SARM1: variants seen among roughly 807,000 people sequenced by gnomAD.
SARM1 encodes sterile alpha and TIR motif containing 1.
In SARM1, 60 loss-of-function variants were observed where a neutral mutation model predicts 65.1. The ratio of observed to expected loss-of-function variants is 0.92; its 90% CI spans 0.75 to 1.14. SARM1 has a LOEUF of 1.14. SARM1 is among the 50% of genes most tolerant of loss of function. The pLI, the probability that SARM1 is intolerant of heterozygous loss-of-function variation, is 0.00. For missense variants in SARM1, 913 were observed against 1,015.7 expected, an observed-to-expected ratio of 0.90 and a Z score of 1.37; for synonymous variants, 417 against 465.4, an observed-to-expected ratio of 0.90 and a Z score of 1.34.
At chr17:28,388,097 T>TATCATC in intron 5 of SARM1, 77 bp from the exon 6 acceptor site, 1 of 1,160,482 alleles carries the variant, frequency 8.6e-7, no homozygotes, top group Non-Finnish European at 1.3e-6. Context: ...GGGGACTAAG[T>TATCATC]CCACAAGGGA....
Position 28,399,021 on chromosome 17 carries a change from C to A in SARM1, c.*2735C>A, listed in dbSNP as rs1227061341. On this transcript the variant is annotated 3_prime_UTR_variant, in exon 9 of 9. Transcript: ENST00000585482. Reference sequence around the variant, plus strand: ...ACAGAGGGCCCCAAAGCCCAAGGCACCAGAAGGTTTGTTTCAGTTTGCTGA... The same window carrying A: ...ACAGAGGGCCCCAAAGCCCAAGGCAACAGAAGGTTTGTTTCAGTTTGCTGA... 1.3e-5 allele frequency: 2 copies of A among 152,470 alleles called. No homozygotes were observed. The highest frequency in any genetic ancestry group is 2.9e-5 in the Non-Finnish European group (2 of 68,248). The allele number at this position is 152,470 out of a possible 1,614,324, so 9.4% of individuals were successfully genotyped here.
Position 28,374,818 on chromosome 17 carries a change from A to C in SARM1, c.470+2316A>C, listed in dbSNP as rs142856009. On this transcript the variant is annotated intron_variant, in intron 1 of 8. Coordinates refer to ENST00000585482, the MANE Select transcript of SARM1 (RefSeq NM_015077.4). ...ATGGCAAAAACCCATCTCTACAAAA[A>C]ATATACAGATTAGCCGGGCGTGATG... Among the ~76,000 whole-genome samples, 32 of 151,664 alleles carry C rather than the reference A, an allele frequency of 2.1e-4. No homozygotes were observed. The East Asian group carries it at 6.3e-3, about 30-fold the overall frequency.
Position 28,384,303 on chromosome 17 carries a change from G to T in SARM1, c.1090-54G>T. 7.0e-7 allele frequency: 1 copy of T among 1,428,786 alleles called. No homozygotes were observed. The highest frequency in any genetic ancestry group is 9.5e-7 in the Non-Finnish European group (1 of 1,053,080). The allele number at this position is 1,428,786 out of a possible 1,614,324, so 88.5% of individuals were successfully genotyped here. A position where few individuals can be genotyped will look rare whatever the true frequency, so the allele number is the denominator to read the frequency against. On this transcript the variant is annotated intron_variant, in intron 2 of 8. Coordinates refer to ENST00000585482, the MANE Select transcript of SARM1 (RefSeq NM_015077.4). This position sits in a 1 kb window ranked among gnomAD's most constrained non-coding sequence, Gnocchi z 4.4. The stretch of plus-strand genomic sequence containing the variant: ...CAAGGAGAGGGACTGGGCACGTGTG[G>T]GAGCACCTGGAGAGCTGGTGGGACC...
Position 28,402,455 on chromosome 17 carries a change from GGTGGGAAGACAGTA to G in SARM1, c.*6172_*6185del. On this transcript the variant is annotated 3_prime_UTR_variant, in exon 9 of 9. Transcript: ENST00000585482. ...CAGGAAGAACTTCCTTGATGGTGAG[GGTGGGAAGACAGTA>G]GTCAAGGAGGAATGGAGACTGCCCT... The G allele has an allele frequency of 1.4e-6, 1 of 704,154 alleles. No individual in the cohort carries two copies. The highest frequency in any genetic ancestry group is 2.4e-6 in the Non-Finnish European group (1 of 413,398). The allele number at this position is 704,154 out of a possible 1,614,324, so 43.6% of individuals were successfully genotyped here.
In SARM1 at chr17:28,384,277, A is replaced by T; in HGVS notation, c.1090-80A>T. The T allele has an allele frequency of 8.3e-7, 1 of 1,204,414 alleles. No homozygotes were observed. The highest frequency in any genetic ancestry group is 1.2e-6 in the Non-Finnish European group (1 of 860,400). The allele number at this position is 1,204,414 out of a possible 1,614,324, so 74.6% of individuals were successfully genotyped here. On this transcript the variant is annotated intron_variant, in intron 2 of 8. Coordinates refer to ENST00000585482, the MANE Select transcript of SARM1 (RefSeq NM_015077.4). This position sits in a 1 kb window ranked among gnomAD's most constrained non-coding sequence, Gnocchi z 4.4. ...GAGAGACTTTGGGTTGTGAGAAGAG[A>T]CAAGGAGAGGGACTGGGCACGTGTG...
rs193005615 is a variant in SARM1, at chr17:28,375,834, T to A, written c.470+3332T>A. Reference sequence around the variant, plus strand: ...CAATTTTTTAAAATTAAATTAAAAATTTTTTAAAAGTTCTTCTCAACCAGA... The same window carrying A: ...CAATTTTTTAAAATTAAATTAAAAAATTTTTAAAAGTTCTTCTCAACCAGA... On this transcript the variant is annotated intron_variant, in intron 1 of 8. Coordinates refer to ENST00000585482, the MANE Select transcript of SARM1 (RefSeq NM_015077.4). 2.6e-3 allele frequency among the ~76,000 whole-genome samples: 395 copies of A among 152,210 alleles called. 1 individual carries two copies. The highest frequency in any genetic ancestry group is 8.8e-3 in the African/African-American group (364 of 41,532).
Position 28,396,387 on chromosome 17 carries a change from GCT to G in SARM1, c.*104_*105del, listed in dbSNP as rs2068124118. ...GTCTCCCTGGGCTGAGACAACCTGG[GCT>G]CTTCTTAGGAAATGGCTCTCCCTCC... On this transcript the variant is annotated 3_prime_UTR_variant, in exon 9 of 9. Transcript: ENST00000585482. 2.8e-6 allele frequency: 4 copies of G among 1,441,922 alleles called. No individual in the cohort carries two copies. Among genetic ancestry groups the G allele is most frequent in the South Asian group, 1.2e-5 (1 of 80,262 alleles). The allele number at this position is 1,441,922 out of a possible 1,614,324, so 89.3% of individuals were successfully genotyped here.
chr17:28,400,250 G>A lies in SARM1; in HGVS notation c.*3964G>A, dbSNP rs2068179562. On this transcript the variant is annotated 3_prime_UTR_variant, in exon 9 of 9. Coordinates refer to ENST00000585482, the MANE Select transcript of SARM1 (RefSeq NM_015077.4). Reference sequence around the variant, plus strand: ...AAAAGTCAGCGGGTCAAGCTAGCCTGTGGCCCAGCCACAACTAGCTGACAA... The same window carrying A: ...AAAAGTCAGCGGGTCAAGCTAGCCTATGGCCCAGCCACAACTAGCTGACAA... 1 of 286,854 alleles carries A rather than the reference G, an allele frequency of 3.5e-6. No individual in the cohort carries two copies. The highest frequency in any genetic ancestry group is 4.5e-5 in the South Asian group (1 of 22,316). The allele number at this position is 286,854 out of a possible 1,614,324, so 17.8% of individuals were successfully genotyped here. A position where few individuals can be genotyped will look rare whatever the true frequency, so the allele number is the denominator to read the frequency against.
In SARM1 at chr17:28,381,453, G is replaced by C; in HGVS notation, c.721G>C (p.Val241Leu). The change falls in exon 2 of 9, where the codon GTG becomes CTG. Residue 241 changes from valine to leucine, a missense_variant. Physicochemically the swap from Val to Leu is conservative, Grantham distance 32 (BLOSUM62 1). Coordinates refer to ENST00000585482, the MANE Select transcript of SARM1 (RefSeq NM_015077.4). ...CTGCGCGCTGCACGGGGGCCAGGCG[G>C]TGCAGCGACGCATGGTAGAGAAGCG... ...GNCALHGGQA[V>L]QRRMVEKRAA... The C allele has an allele frequency of 6.5e-7, 1 of 1,549,702 alleles. No homozygotes were observed. Among genetic ancestry groups the C allele is most frequent in the Non-Finnish European group, 8.7e-7 (1 of 1,146,834 alleles).
intron 7 of SARM1, 67 bp from the exon 8 acceptor site, chr17:28,395,838 C>T (rs1597825938): frequency 6.3e-7 from 1 of 1,595,830 alleles, no homozygotes; most frequent in Non-Finnish European, 8.5e-7. Context: ...CCTCCCAGCA[C>T]CTGCCTGGCT....
rs199646933 is a variant in SARM1, at chr17:28,400,162, C to T, written c.*3876C>T. ...CTCCTGCCTCAGCCTCCCACAGGAT[C>T]GGGATTACAGGCAAGAGCCTCCACG... is the stretch of plus-strand genomic sequence containing the variant. On this transcript the variant is annotated 3_prime_UTR_variant, in exon 9 of 9. Coordinates refer to ENST00000585482, the MANE Select transcript of SARM1 (RefSeq NM_015077.4). 10 of 239,046 alleles carry T rather than the reference C, an allele frequency of 4.2e-5. No homozygotes were observed. The highest frequency in any genetic ancestry group is 3.1e-4 in the East Asian group (3 of 9,650). The allele number at this position is 239,046 out of a possible 1,614,324, so 14.8% of individuals were successfully genotyped here.
intron 1 of SARM1, among the ~76,000 whole-genome samples, chr17:28,379,301 T>TC: frequency 1.9e-5 from 2 of 105,748 alleles, no homozygotes; most frequent in Middle Eastern, 4.3e-3. Flanking sequence ...ATTTAGATCT[T>TC]TTTTTTTTTT....
intron 2 of SARM1, 37 bp downstream of exon 2, chr17:28,381,858 A>T: frequency 7.1e-7 from 1 of 1,401,574 alleles, no homozygotes; most frequent in Non-Finnish European, 9.2e-7. Context: ...ATCAGGGGTT[A>T]GAGAGCCTTT....
intron 7 of SARM1, among the ~76,000 whole-genome samples, chr17:28,389,096 T>G (rs1555586555): frequency 2.0e-5 from 3 of 152,114 alleles, no homozygotes; most frequent in African/African-American, 7.2e-5. Context: ...AAAAATAAAT[T>G]CCATGAGAGA....
chr17:28,381,598 G>A lies in SARM1; in HGVS notation c.866G>A (p.Arg289His), dbSNP rs781886204. The change falls in exon 2 of 9, where the codon CGC (arginine) becomes CAC (histidine). Residue 289 changes from arginine to histidine, a missense_variant. Physicochemically the swap from Arg to His is conservative, Grantham distance 29. Transcript: ENST00000585482. The part of the protein sequence containing the change: ...TNKEVEREVE[R>H]SGTLALVEPL... ...AAGGAGGTGGAGCGCGAGGTGGAGC[G>A]CTCGGGCACGCTGGCGCTCGTGGAG... 5.7e-6 allele frequency: 9 copies of A among 1,585,912 alleles called. No homozygotes were observed. Among genetic ancestry groups the A allele is most frequent in the South Asian group, 2.3e-5 (2 of 86,854 alleles).
Position 28,396,167 on chromosome 17 carries a change from G to C in SARM1, c.2056G>C (p.Glu686Gln). ...CTCCTGTGCCCACAGGTGGTCCCAC[G>C]AATACCAGGAGGCCACCATTGAGAA... ...LTFNGIKWSHEYQEATIEKII... is the reference protein window; with the variant it reads ...LTFNGIKWSHQYQEATIEKII... Residue 686 changes from glutamate (E) to glutamine (Q), a missense_variant, in exon 9 of 9, where the codon GAA becomes CAA. Around this residue, in one of 3 missense-constraint regions of SARM1, gnomAD observed 862 missense variants for 952.1 expected, o/e 0.91. Transcript: ENST00000585482. 1 of 1,613,902 alleles carries C rather than the reference G, an allele frequency of 6.2e-7. No homozygotes were observed. The highest frequency in any genetic ancestry group is 8.5e-7 in the Non-Finnish European group (1 of 1,179,872).
In SARM1 at chr17:28,371,954, G is replaced by T; in HGVS notation, c.-79G>T. 9.1e-7 allele frequency: 1 copy of T among 1,093,588 alleles called. No individual in the cohort carries two copies. The highest frequency in any genetic ancestry group is 1.8e-5 in the South Asian group (1 of 55,098). The allele number at this position is 1,093,588 out of a possible 1,614,324, so 67.7% of individuals were successfully genotyped here. ...ATCTTCTTTCCCCGACCCCTCTCGGGTCCCTCTTTTCCCAAAACCCGGGTC... is the reference window on the plus strand; with the variant it reads ...ATCTTCTTTCCCCGACCCCTCTCGGTTCCCTCTTTTCCCAAAACCCGGGTC... On this transcript the variant is annotated 5_prime_UTR_variant, in exon 1 of 9. Transcript: ENST00000585482.
In SARM1 at chr17:28,372,789, G is replaced by T. The variant is rs971064343; in HGVS notation, c.470+287G>T. Among the ~76,000 whole-genome samples, 1 of 152,166 alleles carries T rather than the reference G, an allele frequency of 6.6e-6. No homozygotes were observed. Among genetic ancestry groups the T allele is most frequent in the African/African-American group, 2.4e-5 (1 of 41,440 alleles). On this transcript the variant is annotated intron_variant, in intron 1 of 8. Transcript: ENST00000585482. This position sits in a 1 kb window ranked among gnomAD's most constrained non-coding sequence, Gnocchi z 5.2. ...GAGTCCGTCCCTGGCTCTATGGATG[G>T]AGATGGCATCCTATTGCCAATTCTC...
chr17:28,402,373 CCAAGGGAAAGGCAGCA>C lies in SARM1; in HGVS notation c.*6088_*6103del. The C allele has an allele frequency of 6.6e-7, 1 of 1,513,180 alleles. No individual in the cohort carries two copies. Among genetic ancestry groups the C allele is most frequent in the East Asian group, 2.3e-5 (1 of 43,552 alleles). The allele number at this position is 1,513,180 out of a possible 1,614,324, so 93.7% of individuals were successfully genotyped here. A position where few individuals can be genotyped will look rare whatever the true frequency, so the allele number is the denominator to read the frequency against. The stretch of plus-strand genomic sequence containing the variant: ...AAAATGGGGCTGGGGAGAGGGGCGT[CCAAGGGAAAGGCAGCA>C]GAGCTCCTATCCATACCCCACGTGG... On this transcript the variant is annotated 3_prime_UTR_variant, in exon 9 of 9. Transcript: ENST00000585482.
Sources: allele counts gnomAD v4.1 joint callset (sites outside exome capture counted in the v4.1 genomes callset), GRCh38; gene constraint gnomAD v4.1.1; regional missense constraint gnomAD v4.1.1; non-coding constraint Gnocchi (gnomAD v3.1); transcripts MANE v1.5; gene names NCBI Gene and HGNC (gene_info 2026-07-23, HGNC 2026-07-21).